TGFBR2: variants seen among roughly 807,000 people sequenced by gnomAD.
TGFBR2 encodes transforming growth factor beta receptor 2, also known as TGF-beta receptor type-2.
A neutral mutation model predicts 49.0 loss-of-function variants in TGFBR2; 18 were observed. That is an observed-to-expected ratio of 0.37 (90% CI 0.25 to 0.54). The LOEUF (loss-of-function observed/expected upper bound fraction) is 0.54, where lower values mean the gene tolerates loss of function less well. Ranked by LOEUF, TGFBR2 falls within the 20% of genes least tolerant of loss-of-function variation. The pLI is 0.85. For synonymous variants in TGFBR2, 282 were observed against 275.9 expected, an observed-to-expected ratio of 1.02 and a Z score of -0.22; for missense variants, 525 against 722.6, an observed-to-expected ratio of 0.73 and a Z score of 3.13.
intron 5 of TGFBR2, among the ~76,000 whole-genome samples, chr3:30,681,902 C>T (rs982883893): frequency 2.6e-5 from 4 of 152,048 alleles, no homozygotes; most frequent in African/African-American, 7.2e-5. Flanking sequence ...GGAAATGAGT[C>T]AGGAAAGGGA....
At chr3:30,678,758 C>A (rs1176337706) in intron 5 of TGFBR2, among the ~76,000 whole-genome samples, 1 of 151,882 alleles carries the variant, frequency 6.6e-6, no homozygotes, top group Non-Finnish European at 1.5e-5. Context: ...TGAGAGAGTC[C>A]CTAGTTGTAT....
At position 30,658,583 on chromosome 3, in the gene TGFBR2, A is replaced by G. The variant is rs958895078; in HGVS notation, c.454+8123A>G. On this transcript the variant is annotated intron_variant, in intron 3 of 6. Transcript: ENST00000295754. Reference sequence around the variant, plus strand: ...GGTGCACGTTGCTGACTCGCAAGCTATGTGCAGGCTTTAGCATTTAGTGTG... The same window carrying G: ...GGTGCACGTTGCTGACTCGCAAGCTGTGTGCAGGCTTTAGCATTTAGTGTG... Among the ~76,000 whole-genome samples, 3 of 152,302 alleles carry G rather than the reference A, an allele frequency of 2.0e-5. No homozygotes were observed. The South Asian group carries it at 6.2e-4, about 32-fold the overall frequency.
Position 30,672,168 on chromosome 3 carries a change from G to A in TGFBR2, c.985G>A (p.Ala329Thr), listed in dbSNP as rs148665451. ...ATACTGGCTGATCACCGCCTTCCAC[G>A]CCAAGGGCAACCTACAGGAGTACCT... ...KQYWLITAFHAKGNLQEYLTR... is the reference protein window; with the variant it reads ...KQYWLITAFHTKGNLQEYLTR... Residue 329 changes from alanine to threonine, a missense_variant, in exon 4 of 7, where the codon GCC (alanine) becomes ACC (threonine). Ala to Thr is a moderately conservative substitution (Grantham distance 58, BLOSUM62 0). Transcript: ENST00000295754. The surrounding 1 kb of genome is among the most constrained non-coding windows in gnomAD (Gnocchi z 4.5). 7.9e-5 allele frequency: 127 copies of A among 1,613,994 alleles called. No individual in the cohort carries two copies. Among genetic ancestry groups the A allele is most frequent in the Non-Finnish European group, 4.8e-5 (57 of 1,179,994 alleles).
chr3:30,669,162 A>G (rs1699296478), intron 3 of TGFBR2, among the ~76,000 whole-genome samples: 1 of 146,082 alleles, frequency 6.8e-6, no homozygotes. Flanking sequence ...AGCTGGGCAT[A>G]GAGGCTAAGG....
In TGFBR2 at chr3:30,623,294, C is replaced by G. The variant is rs746020376; in HGVS notation, c.94+16317C>G. 3 of 1,613,316 alleles carry G rather than the reference C, an allele frequency of 1.9e-6. No individual in the cohort carries two copies. The African/African-American group carries it at 4.0e-5, about 22-fold the overall frequency. ...ACATAGTAAAGTATCATTAATTAAT[C>G]TTTTCATCATTTTTCTATTTTTAGT... On this transcript the variant is annotated intron_variant, in intron 1 of 6. Transcript: ENST00000295754.
chr3:30,670,628 C>G (rs1699320038), intron 3 of TGFBR2, among the ~76,000 whole-genome samples: 1 of 152,234 alleles, frequency 6.6e-6, no homozygotes, highest in African/African-American at 2.4e-5. Context: ...AAAAGGAAAA[C>G]TATTTCACCA....
chr3:30,662,099 A>T (rs1292463513), intron 3 of TGFBR2, among the ~76,000 whole-genome samples: 1 of 152,222 alleles, frequency 6.6e-6, no homozygotes, highest in Non-Finnish European at 1.5e-5. Context: ...TCATTTTGTT[A>T]CTTTTTGCTT....
intron 3 of TGFBR2, among the ~76,000 whole-genome samples, chr3:30,670,104 G>A (rs962356442): frequency 6.6e-6 from 1 of 152,000 alleles, no homozygotes; most frequent in African/African-American, 2.4e-5. Flanking sequence ...TATTCCGCAG[G>A]TGCAGAGTGG....
At chr3:30,608,559 T>C (rs1433437521) in intron 1 of TGFBR2, among the ~76,000 whole-genome samples, 1 of 152,150 alleles carries the variant, frequency 6.6e-6, no homozygotes, top group African/African-American at 2.4e-5. Context: ...CAGATTTACC[T>C]TTAGGTTTGT....
At chr3:30,675,600 T>C (rs954808654) in intron 5 of TGFBR2, among the ~76,000 whole-genome samples, 1 of 152,200 alleles carries the variant, frequency 6.6e-6, no homozygotes, top group African/African-American at 2.4e-5. Context: ...TTGATCAGGC[T>C]GATATCGAAC....
At chr3:30,691,279 G>A in intron 6 of TGFBR2, 141 bp from the exon 7 acceptor site, 1 of 878,596 alleles carries the variant, frequency 1.1e-6, no homozygotes, top group South Asian at 1.5e-5. Flanking sequence ...GCAGCAGCAG[G>A]CACTCAGTCA....
At chr3:30,631,195 C>T (rs1436306804) in intron 1 of TGFBR2, among the ~76,000 whole-genome samples, 1 of 152,048 alleles carries the variant, frequency 6.6e-6, no homozygotes, top group Non-Finnish European at 1.5e-5. Flanking sequence ...CACGCACCAT[C>T]AAGCCCTAGC....
intron 1 of TGFBR2, among the ~76,000 whole-genome samples, chr3:30,611,286 G>A (rs1001558948): frequency 1.3e-5 from 2 of 152,198 alleles, no homozygotes; most frequent in African/African-American, 4.8e-5. Context: ...TAACTAAGCA[G>A]TCACTGTTTG....
At chr3:30,680,776 G>A (rs1699526289) in intron 5 of TGFBR2, among the ~76,000 whole-genome samples, 1 of 152,162 alleles carries the variant, frequency 6.6e-6, no homozygotes, top group African/African-American at 2.4e-5. Flanking sequence ...ACTGTTCTAC[G>A]AAAAAGGAGA....
rs77727333 is a variant in TGFBR2, at chr3:30,625,585, G to T, written c.94+18608G>T. Among the ~76,000 whole-genome samples, 577 of 152,196 alleles carry T rather than the reference G, an allele frequency of 3.8e-3. 31 individuals carry two copies. In the East Asian group the frequency reaches 0.091, roughly 24 times the overall value. ...GCAAAGGATTCCCACCCTTTAAAAA[G>T]ATAGGAAATTGTAAAATCCACACTT... On this transcript the variant is annotated intron_variant, in intron 1 of 6. Transcript: ENST00000295754.
At chr3:30,648,702 T>C (rs1309489542) in intron 2 of TGFBR2, among the ~76,000 whole-genome samples, 1 of 152,084 alleles carries the variant, frequency 6.6e-6, no homozygotes, top group Non-Finnish European at 1.5e-5. Flanking sequence ...TTGCTCCTCT[T>C]GTGTCTTTCG....
rs115618490 is a variant in TGFBR2, at chr3:30,627,431, G to A, written c.95-17316G>A. 3.6e-3 allele frequency among the ~76,000 whole-genome samples: 553 copies of A among 151,978 alleles called. 2 individuals carry two copies. Among genetic ancestry groups the A allele is most frequent in the Middle Eastern group, 0.017 (5 of 294 alleles). On this transcript the variant is annotated intron_variant, in intron 1 of 6. Transcript: ENST00000295754. ...GCCATTTTAATGTACTTGAAACTGG[G>A]GAGATGAGGGCAATTGGTACACATG...
intron 1 of TGFBR2, among the ~76,000 whole-genome samples, chr3:30,632,397 A>G (rs11927842): frequency 0.05 from 7,543 of 152,278 alleles, 646 homozygotes; most frequent in African/African-American, 0.17. Flanking sequence ...GTTATGAACA[A>G]TATTTCAAAA....
chr3:30,644,921 C>T lies in TGFBR2; in HGVS notation c.263+6C>T, dbSNP rs758501054. ...GAAGTCTGTGTGGCTGTATGGTAAG[C>T]AAGCCTTTTAAGAAGTTATTCTTTC... On this transcript the variant is annotated splice_donor_region_variant and intron_variant, in intron 2 of 6. Coordinates refer to ENST00000295754, the MANE Select transcript of TGFBR2 (RefSeq NM_003242.6). 3.7e-6 allele frequency: 6 copies of T among 1,613,068 alleles called. No individual in the cohort carries two copies. The highest frequency in any genetic ancestry group is 3.3e-5 in the South Asian group (3 of 91,052).
Sources: gnomAD v4.1 joint callset for allele counts (sites outside exome capture counted in the v4.1 genomes callset) on GRCh38, gnomAD v4.1.1 for gene constraint, Gnocchi (gnomAD v3.1) non-coding constraint, MANE v1.5 for transcripts, NCBI Gene and HGNC (gene_info 2026-07-23, HGNC 2026-07-21) for gene names.